PDE4D: variants seen among roughly 807,000 people sequenced by gnomAD.
The protein encoded by PDE4D is phosphodiesterase 4D.
Under a neutral mutation model 87.4 loss-of-function variants are expected in PDE4D, and 24 were observed. The ratio of observed to expected loss-of-function variants is 0.27; its 90% CI spans 0.20 to 0.39. PDE4D has a LOEUF of 0.39. Ranked by LOEUF, PDE4D falls within the 10% of genes least tolerant of loss-of-function variation. The pLI is 1.00. For synonymous variants in PDE4D, 384 were observed against 383.2 expected, an observed-to-expected ratio of 1.00 and a Z score of -0.02; for missense variants, 714 against 1,041.0, an observed-to-expected ratio of 0.69 and a Z score of 4.32.
intron 2 of PDE4D, among the ~76,000 whole-genome samples, chr5:60,178,934 G>T (rs1784151604): frequency 6.6e-6 from 1 of 152,046 alleles, no homozygotes; most frequent in Admixed American, 6.6e-5. Context: ...GTCATAGTTT[G>T]GTCAAATAGT....
At chr5:59,893,866 C>A (rs1751349765), upstream of PDE4D, 10 of 1,275,256 alleles carry the variant, frequency 7.8e-6, no homozygotes, top group African/African-American at 1.6e-5. Flanking sequence ...AGACACGCTC[C>A]CGGGCTCCCC....
intron 1 of PDE4D, among the ~76,000 whole-genome samples, chr5:59,439,897 T>C (rs1797338156): frequency 6.6e-6 from 1 of 152,156 alleles, no homozygotes; most frequent in Non-Finnish European, 1.5e-5. Context: ...GGTACACTGC[T>C]TGTTAAATAA....
At chr5:59,578,755 T>C (rs931520262) in intron 1 of PDE4D, among the ~76,000 whole-genome samples, 1 of 152,086 alleles carries the variant, frequency 6.6e-6, no homozygotes, top group African/African-American at 2.4e-5. Context: ...AGGCTCTCCT[T>C]CCACCTACCT....
chr5:59,727,863 A>G (rs1030970444), intron 1 of PDE4D, among the ~76,000 whole-genome samples: 1 of 152,116 alleles, frequency 6.6e-6, no homozygotes, highest in African/African-American at 2.4e-5. Context: ...AATACTTGGT[A>G]GACAATAGGA....
At chr5:59,052,660 C>T (rs1260487147) in intron 5 of PDE4D, among the ~76,000 whole-genome samples, 1 of 152,170 alleles carries the variant, frequency 6.6e-6, no homozygotes, top group Non-Finnish European at 1.5e-5. Flanking sequence ...GCTGGCTCTG[C>T]AACTTAGCAA....
intron 3 of PDE4D, among the ~76,000 whole-genome samples, chr5:59,901,955 C>T (rs1314562174): frequency 1.3e-4 from 19 of 150,910 alleles, no homozygotes. Flanking sequence ...CACACACACA[C>T]ACACACACAC....
chr5:60,365,883 A>C (rs1033724923), intron 1 of PDE4D, among the ~76,000 whole-genome samples: 15 of 151,982 alleles, frequency 9.9e-5, no homozygotes, highest in Admixed American at 3.9e-4. Flanking sequence ...ATCTCTACTA[A>C]AAATACAAAA....
chr5:59,594,937 TG>T (rs1554038168), intron 1 of PDE4D, among the ~76,000 whole-genome samples: 3 of 152,090 alleles, frequency 2.0e-5, no homozygotes, highest in South Asian at 4.2e-4. Flanking sequence ...ACCACTTTTG[TG>T]GGGGGGATAT....
chr5:59,065,105 CACACACACACACACACACATAT>C (rs1415131548), intron 5 of PDE4D, among the ~76,000 whole-genome samples: 6 of 127,014 alleles, frequency 4.7e-5, no homozygotes, highest in African/African-American at 1.7e-4. Flanking sequence ...CACACACACA[CACACACACACACACACACATAT>C]ACAATGAAAT....
In PDE4D at chr5:60,279,338, C is replaced by T. The variant is rs189987129; in HGVS notation, c.-89-93651G>A. Among the ~76,000 whole-genome samples, 50 of 152,286 alleles carry T rather than the reference C, an allele frequency of 3.3e-4. No individual in the cohort carries two copies. The East Asian group carries it at 6.9e-3, about 21-fold the overall frequency. On this transcript the variant is annotated intron_variant, in intron 1 of 16. Transcript: ENST00000502484. ...GATGGCTTTGGAAGTCCAGAATTAC[C>T]ATGTGGTCTCCACTGACACTGAGAA...
intron 1 of PDE4D, among the ~76,000 whole-genome samples, chr5:59,564,416 A>G (rs1820554622): frequency 6.6e-6 from 1 of 152,200 alleles, no homozygotes; most frequent in South Asian, 2.1e-4. Context: ...TTGGACACTC[A>G]TTAAGGGGCC....
chr5:60,498,403 G>T (rs27653), intron 1 of PDE4D, among the ~76,000 whole-genome samples: 58,628 of 152,022 alleles, frequency 0.39, 11,566 homozygotes, highest in South Asian at 0.54. Context: ...CACAAGTTGA[G>T]TCCCCAGAGT....
chr5:59,083,681 C>A (rs1199881108), intron 5 of PDE4D, among the ~76,000 whole-genome samples: 2 of 151,818 alleles, frequency 1.3e-5, no homozygotes, highest in African/African-American at 4.9e-5. Context: ...TTAATATTGA[C>A]AAATTTTTCC....
At chr5:59,230,926 A>T (rs1459945613) in intron 1 of PDE4D, among the ~76,000 whole-genome samples, 1 of 152,210 alleles carries the variant, frequency 6.6e-6, no homozygotes, top group African/African-American at 2.4e-5. Flanking sequence ...TAAGAATATT[A>T]TCTTACGATG....
intron 1 of PDE4D, among the ~76,000 whole-genome samples, chr5:60,328,854 A>C (rs2149861686): frequency 6.6e-6 from 1 of 152,296 alleles, no homozygotes; most frequent in East Asian, 1.9e-4. Context: ...TTTTCCCTGA[A>C]AACAGGAGAT....
rs1238530210 is a variant in PDE4D at position 60,461,471 on chromosome 5, G to C, written c.-90+26471C>G. ...GCCCTGCGGGCTAGTTCAATCCAAA[G>C]GGAGTCAAGGAAAAGAAAGAGAAAG... On this transcript the variant is annotated intron_variant, in intron 1 of 16. Coordinates refer to the PDE4D transcript ENST00000502484. Among the ~76,000 whole-genome samples the C allele has an allele frequency of 2.6e-5, 4 of 152,218 alleles. No individual in the cohort carries two copies. In the East Asian group the frequency reaches 7.7e-4, roughly 29 times the overall value.
chr5:59,286,876 A>G (rs573620595), intron 1 of PDE4D, among the ~76,000 whole-genome samples: 1 of 152,056 alleles, frequency 6.6e-6, no homozygotes, highest in South Asian at 2.1e-4. Flanking sequence ...CTTGGAATTA[A>G]GACCATTTAT....
chr5:59,829,095 T>C (rs967904649), intron 1 of PDE4D, among the ~76,000 whole-genome samples: 46 of 151,928 alleles, frequency 3.0e-4, no homozygotes, highest in African/African-American at 1.1e-3. Context: ...CCAAAAGTAA[T>C]TGTAGTGAGA....
intron 1 of PDE4D, among the ~76,000 whole-genome samples, chr5:59,428,092 A>C (rs550749748): frequency 1.3e-5 from 2 of 152,208 alleles, no homozygotes; most frequent in African/African-American, 4.8e-5. Flanking sequence ...TCTTGAAATA[A>C]AAATTGAGAC....
Sources: gnomAD v4.1 joint callset for allele counts (sites outside exome capture counted in the v4.1 genomes callset) on GRCh38, gnomAD v4.1.1 for gene constraint, MANE v1.5 for transcripts, NCBI Gene and HGNC (gene_info 2026-07-23, HGNC 2026-07-21) for gene names.